Variants in CACNA2D3 observed in about 807,000 individuals in gnomAD.
The protein encoded by CACNA2D3 is calcium voltage-gated channel auxiliary subunit alpha2delta 3, also known as voltage-dependent calcium channel subunit alpha-2/delta-3.
A neutral mutation model predicts 160.6 loss-of-function variants in CACNA2D3; 60 were observed. That is an observed-to-expected ratio of 0.37 (90% CI 0.30 to 0.46). The LOEUF (loss-of-function observed/expected upper bound fraction) is 0.46. CACNA2D3 is among the 20% of genes least tolerant of loss of function. The pLI, the probability that CACNA2D3 is intolerant of heterozygous loss-of-function variation, is 1.00. For synonymous variants in CACNA2D3, 558 were observed against 492.9 expected (o/e 1.13, Z -1.75); for missense variants, 1,205 against 1,365.0 (o/e 0.88, Z 1.85).
chr3:54,975,520 CCAAAAAAAA>C (rs1702368350), intron 29 of CACNA2D3, among the ~76,000 whole-genome samples: 1 of 75,214 alleles, frequency 1.3e-5, no homozygotes, highest in Non-Finnish European at 2.5e-5. Flanking sequence ...GACTTGGTCT[CCAAAAAAAA>C]AAAAAAAAAA....
At chr3:54,218,499 G>A (rs1701503657) in intron 2 of CACNA2D3, among the ~76,000 whole-genome samples, 1 of 152,048 alleles carries the variant, frequency 6.6e-6, no homozygotes, top group Admixed American at 6.5e-5. Context: ...GTGAGGTGAA[G>A]GGTTCTGTTT....
At chr3:54,488,317 G>A (rs760565944) in intron 4 of CACNA2D3, among the ~76,000 whole-genome samples, 1 of 152,132 alleles carries the variant, frequency 6.6e-6, no homozygotes, top group Non-Finnish European at 1.5e-5. Context: ...GAGGACTTCC[G>A]AAACCAACTG....
At chr3:54,162,639 A>G (rs1330564324) in intron 2 of CACNA2D3, among the ~76,000 whole-genome samples, 1 of 152,154 alleles carries the variant, frequency 6.6e-6, no homozygotes, top group Non-Finnish European at 1.5e-5. Context: ...TAACATGTAG[A>G]ATGGGAAATA....
chr3:54,506,100 A>G (rs1701364291), intron 5 of CACNA2D3, among the ~76,000 whole-genome samples: 1 of 152,174 alleles, frequency 6.6e-6, no homozygotes, highest in Non-Finnish European at 1.5e-5. Context: ...GCCCAAGGGC[A>G]GAGGAGAGGC....
At chr3:54,465,449 A>G (rs949771681) in intron 4 of CACNA2D3, among the ~76,000 whole-genome samples, 3 of 152,170 alleles carry the variant, frequency 2.0e-5, no homozygotes, top group East Asian at 3.9e-4. Context: ...AAACTTTATT[A>G]TATGTACGTA....
intron 2 of CACNA2D3, among the ~76,000 whole-genome samples, chr3:54,240,070 G>T (rs1431670009): frequency 6.6e-6 from 1 of 152,112 alleles, no homozygotes; most frequent in Non-Finnish European, 1.5e-5. Flanking sequence ...TTTCTAATGT[G>T]GAATATTATT....
chr3:54,532,016 C>T (rs1225950971), intron 5 of CACNA2D3, among the ~76,000 whole-genome samples: 1 of 152,176 alleles, frequency 6.6e-6, no homozygotes, highest in African/African-American at 2.4e-5. Flanking sequence ...ACCTCATTTT[C>T]CATCACTTGC....
intron 27 of CACNA2D3, among the ~76,000 whole-genome samples, chr3:54,945,177 C>T (rs1045869012): frequency 2.0e-5 from 3 of 152,168 alleles, no homozygotes; most frequent in Admixed American, 2.0e-4. Context: ...TCAGCCCCTC[C>T]TCCCTCCCTC....
intron 21 of CACNA2D3, among the ~76,000 whole-genome samples, chr3:54,884,795 C>T (rs1699884643): frequency 6.6e-6 from 1 of 152,222 alleles, no homozygotes; most frequent in South Asian, 2.1e-4. Flanking sequence ...ATTGTTCAAC[C>T]TATGATTTCA....
At chr3:54,333,008 G>T (rs1470426261) in intron 3 of CACNA2D3, among the ~76,000 whole-genome samples, 1 of 152,180 alleles carries the variant, frequency 6.6e-6, no homozygotes, top group Non-Finnish European at 1.5e-5. Flanking sequence ...GTCCTGGGAG[G>T]TGGCAGAACC....
At chr3:54,402,404 A>G (rs1699484789) in intron 4 of CACNA2D3, among the ~76,000 whole-genome samples, 1 of 152,204 alleles carries the variant, frequency 6.6e-6, no homozygotes, top group African/African-American at 2.4e-5. Flanking sequence ...TTTAGCCTTA[A>G]GGACACACAT....
chr3:54,204,613 G>A (rs1234652480), intron 2 of CACNA2D3, among the ~76,000 whole-genome samples: 1 of 152,066 alleles, frequency 6.6e-6, no homozygotes, highest in Non-Finnish European at 1.5e-5. Flanking sequence ...TGGCTAACAT[G>A]GTGAAACCCT....
chr3:54,392,727 C>G (rs1699302565), intron 4 of CACNA2D3, among the ~76,000 whole-genome samples: 1 of 152,098 alleles, frequency 6.6e-6, no homozygotes, highest in South Asian at 2.1e-4. Context: ...AAGATGACTT[C>G]CGATACTTCC....
At chr3:54,789,763 T>C in intron 13 of CACNA2D3, 1 of 468,692 alleles carries the variant, frequency 2.1e-6, no homozygotes, top group South Asian at 1.5e-5. Flanking sequence ...AACCAAAATT[T>C]AGATTTTGGA....
intron 2 of CACNA2D3, among the ~76,000 whole-genome samples, chr3:54,137,211 A>G (rs1471814590): frequency 6.6e-6 from 1 of 152,222 alleles, no homozygotes; most frequent in Non-Finnish European, 1.5e-5. Context: ...TCCCTGCCAT[A>G]GAAATGAGGG....
At chr3:55,019,582 A>G (rs780535927) in intron 35 of CACNA2D3, among the ~76,000 whole-genome samples, 10 of 152,152 alleles carry the variant, frequency 6.6e-5, no homozygotes, top group Non-Finnish European at 1.0e-4. Flanking sequence ...TAGTATATGA[A>G]CATATCACTG....
intron 11 of CACNA2D3, among the ~76,000 whole-genome samples, chr3:54,667,945 C>G (rs76559760): frequency 3.4e-5 from 1 of 29,498 alleles, no homozygotes; most frequent in Non-Finnish European, 1.1e-4. Flanking sequence ...AGACCCCCAT[C>G]TCAAAAAAAA....
chr3:54,296,669 A>T (rs1703349072), intron 2 of CACNA2D3, among the ~76,000 whole-genome samples: 1 of 152,210 alleles, frequency 6.6e-6, no homozygotes, highest in Admixed American at 6.5e-5. Context: ...CCTCAAAAAT[A>T]AAAAGAGAGG....
intron 35 of CACNA2D3, among the ~76,000 whole-genome samples, chr3:55,050,799 A>T (rs946116461): frequency 1.6e-5 from 2 of 128,660 alleles, no homozygotes; most frequent in African/African-American, 7.4e-5. Context: ...GGCTTTGCTC[A>T]TTTCTTTTTA....
Sources: allele counts gnomAD v4.1 joint callset (sites outside exome capture counted in the v4.1 genomes callset), GRCh38; gene constraint gnomAD v4.1.1; transcripts MANE v1.5; gene names NCBI Gene and HGNC (gene_info 2026-07-23, HGNC 2026-07-21).